The following MMP26 variants were observed in gnomAD, a reference collection of about 807,000 sequenced individuals.
The protein encoded by MMP26 is matrix metalloproteinase-26.
A neutral mutation model predicts 31.0 loss-of-function variants in MMP26; 33 were observed. The observed-to-expected ratio is 1.06, with a 90% confidence interval of 0.81 to 1.42. MMP26 has a LOEUF of 1.42. Ranked by LOEUF, MMP26 falls within the 40% of genes most tolerant of loss-of-function variation. The probability of loss-of-function intolerance (pLI) is 0.00; values close to 1 mark genes in which losing one functional copy is unlikely to be tolerated. For missense variants in MMP26, 347 were observed against 316.1 expected (o/e 1.10, Z -0.74); for synonymous variants, 122 against 114.9 (o/e 1.06, Z -0.40).
At chr11:4,758,189 A>G (rs746949448) in intron 1 of MMP26, among the ~76,000 whole-genome samples, 1 of 152,214 alleles carries the variant, frequency 6.6e-6, no homozygotes, top group Non-Finnish European at 1.5e-5. Context: ...AAAATTGCTA[A>G]TAAGTGCTAC....
chr11:4,983,883 T>C (rs993819673), intron 2 of MMP26, among the ~76,000 whole-genome samples: 1 of 152,232 alleles, frequency 6.6e-6, no homozygotes, highest in Admixed American at 6.5e-5. Context: ...AATTAGAATC[T>C]GCATTTTTAT....
chr11:4,780,935 A>T (rs1848850375), intron 2 of MMP26, among the ~76,000 whole-genome samples: 1 of 152,016 alleles, frequency 6.6e-6, no homozygotes, highest in African/African-American at 2.4e-5. Context: ...TTACATAACT[A>T]TATATGCTAT....
chr11:4,895,489 C>A (rs1466563717), intron 2 of MMP26, among the ~76,000 whole-genome samples: 7 of 152,164 alleles, frequency 4.6e-5, no homozygotes, highest in Non-Finnish European at 1.0e-4. Flanking sequence ...CAGAGTTATC[C>A]TATTTCCAAA....
chr11:4,876,974 TCA>T (rs1850388537), intron 2 of MMP26: 1 of 154,072 alleles, frequency 6.5e-6, no homozygotes, highest in Non-Finnish European at 1.5e-5. Flanking sequence ...CAATTCTCAC[TCA>T]CAGTGTCATC....
At position 4,770,573 on chromosome 11, in the gene MMP26, AG is replaced by A. The variant is rs548397600; in HGVS notation, c.-145+3234del. On this transcript the variant is annotated intron_variant, in intron 2 of 7. Transcript: ENST00000380390. The stretch of plus-strand genomic sequence containing the variant: ...CTATGAAAACCAAAAGAGGCTGGGC[AG>A]GTGGCTCATGCCTGTAATCCCAGCA... Among the ~76,000 whole-genome samples the A allele has an allele frequency of 2.0e-3, 298 of 152,284 alleles. 1 individual carries two copies. The highest frequency in any genetic ancestry group is 3.4e-3 in the Non-Finnish European group (229 of 68,020).
chr11:4,899,656 T>C (rs1850772722), intron 2 of MMP26, among the ~76,000 whole-genome samples: 1 of 152,146 alleles, frequency 6.6e-6, no homozygotes, highest in African/African-American at 2.4e-5. Context: ...TCCTTCATTG[T>C]TTATTAGAAG....
intron 2 of MMP26, among the ~76,000 whole-genome samples, chr11:4,817,780 G>C (rs1849441533): frequency 6.6e-6 from 1 of 152,164 alleles, no homozygotes; most frequent in South Asian, 2.1e-4. Flanking sequence ...ATTACACCTT[G>C]GGTCAAGTCC....
intron 2 of MMP26, among the ~76,000 whole-genome samples, chr11:4,870,369 A>G (rs945304511): frequency 6.6e-6 from 1 of 152,148 alleles, no homozygotes; most frequent in Non-Finnish European, 1.5e-5. Context: ...GGTCTATACC[A>G]TGTAGGTAGA....
rs1324453357 is a variant in MMP26 at position 4,992,261 on chromosome 11, A to T, written c.*19A>T. 11 of 1,606,688 alleles carry T rather than the reference A, an allele frequency of 6.8e-6. No individual in the cohort carries two copies. The highest frequency in any genetic ancestry group is 8.5e-6 in the Non-Finnish European group (10 of 1,176,114). On this transcript the variant is annotated 3_prime_UTR_variant, in exon 8 of 8. Coordinates refer to ENST00000380390, the MANE Select transcript of MMP26 (RefSeq NM_021801.5). ...ACCTTAATGTTAGCACAGAGGACTT[A>T]TTCAACCTGTCCTTTCAGGGAGTTT...
At chr11:4,895,789 G>C (rs1850690892) in intron 2 of MMP26, among the ~76,000 whole-genome samples, 1 of 152,144 alleles carries the variant, frequency 6.6e-6, no homozygotes, top group Non-Finnish European at 1.5e-5. Flanking sequence ...ATCCAGGCAT[G>C]GTGGCACATG....
At chr11:4,794,397 C>A (rs1849076371) in intron 2 of MMP26, among the ~76,000 whole-genome samples, 1 of 152,170 alleles carries the variant, frequency 6.6e-6, no homozygotes, top group South Asian at 2.1e-4. Context: ...ACAGTTACAA[C>A]AAGCAATTTA....
intron 2 of MMP26, among the ~76,000 whole-genome samples, chr11:4,774,270 T>C (rs1055921215): frequency 1.3e-5 from 2 of 152,180 alleles, no homozygotes. Flanking sequence ...TTCCTATTTC[T>C]CCACGACCTC....
intron 2 of MMP26, among the ~76,000 whole-genome samples, chr11:4,789,435 A>T (rs932822256): frequency 7.0e-6 from 1 of 142,270 alleles, no homozygotes; most frequent in Non-Finnish European, 1.5e-5. Context: ...CTATATTCCC[A>T]TTTTTTTTTG....
Position 4,942,089 on chromosome 11 carries a change from C to CAA in MMP26, c.-144-45959_-144-45958dup, listed in dbSNP as rs201626472. 2.3e-3 allele frequency among the ~76,000 whole-genome samples: 86 copies of CAA among 37,118 alleles called. 1 individual carries two copies. Among genetic ancestry groups the CAA allele is most frequent in the African/African-American group, 7.2e-3 (64 of 8,948 alleles). The allele number at this position is 37,118 out of a possible 152,430, so 24.4% of individuals were successfully genotyped here. A position where few individuals can be genotyped will look rare whatever the true frequency, so the allele number is the denominator to read the frequency against. ...TGGGCAGCAGAATGAGAGTCCATCT[C>CAA]AAAAAAAAAAAAAAAAAAAAAGGAA... On this transcript the variant is annotated intron_variant, in intron 2 of 7. Transcript: ENST00000380390.
intron 2 of MMP26, chr11:4,877,079 T>C (rs1260968546): frequency 6.6e-6 from 1 of 152,456 alleles, no homozygotes; most frequent in Non-Finnish European, 1.5e-5. Flanking sequence ...GTCACTCCAA[T>C]GTCCTCTCCC....
chr11:4,733,372 T>C (rs1848198421), intron 1 of MMP26, among the ~76,000 whole-genome samples: 1 of 152,182 alleles, frequency 6.6e-6, no homozygotes. Flanking sequence ...ATATTTTCAG[T>C]GTGAAAGTCT....
chr11:4,849,229 A>G, intron 2 of MMP26: 3 of 1,570,202 alleles, frequency 1.9e-6, no homozygotes, highest in Non-Finnish European at 2.6e-6. Flanking sequence ...TCCACGTTGA[A>G]CTCTGGAACC....
chr11:4,962,051 T>C (rs1026586287), intron 2 of MMP26, among the ~76,000 whole-genome samples: 1 of 152,108 alleles, frequency 6.6e-6, no homozygotes, highest in African/African-American at 2.4e-5. Flanking sequence ...TGTTTGTTTG[T>C]TTTTTGTATA....
intron 1 of MMP26, among the ~76,000 whole-genome samples, chr11:4,755,328 G>A (rs1848492989): frequency 6.6e-6 from 1 of 151,948 alleles, no homozygotes; most frequent in Non-Finnish European, 1.5e-5. Flanking sequence ...CCGAACTGAG[G>A]AAAATGGAGA....
Sources: allele counts gnomAD v4.1 joint callset (sites outside exome capture counted in the v4.1 genomes callset), GRCh38; gene constraint gnomAD v4.1.1; transcripts MANE v1.5; gene names NCBI Gene and HGNC (gene_info 2026-07-23, HGNC 2026-07-21).